BAZ2A: variants seen among roughly 807,000 people sequenced by gnomAD.
BAZ2A encodes bromodomain adjacent to zinc finger domain protein 2A.
A neutral mutation model predicts 199.9 loss-of-function variants in BAZ2A; 34 were observed. The ratio of observed to expected loss-of-function variants is 0.17; its 90% CI spans 0.13 to 0.23. The LOEUF is 0.23. BAZ2A is among the 10% of genes least tolerant of loss of function. BAZ2A has a pLI of 1.00. For missense variants in BAZ2A, 2,002 were observed against 2,391.1 expected, an observed-to-expected ratio of 0.84 and a Z score of 3.39; for synonymous variants, 857 against 883.9, an observed-to-expected ratio of 0.97 and a Z score of 0.54.
At position 56,612,135 on chromosome 12, in the gene BAZ2A, G is replaced by C. The variant is rs1320676626; in HGVS notation, c.1247C>G (p.Thr416Ser). 1.2e-6 allele frequency: 2 copies of C among 1,614,014 alleles called. No individual in the cohort carries two copies. The highest frequency in any genetic ancestry group is 1.1e-5 in the South Asian group (1 of 91,076). ...LTQPAPDQSS[T>S]IQLHPATSPA... ...TGAGGTTGCTGGATGTAGCTGAATA[G>C]TGGATGACTGATCAGGAGCTGGCTG... is the stretch of plus-strand genomic sequence containing the variant. The change falls in exon 6 of 29, where the codon ACT (threonine) becomes AGT (serine). Residue 416 changes from threonine to serine, a missense_variant. Thr to Ser is a moderately conservative substitution (Grantham distance 58). Transcript: ENST00000549884.
chr12:56,634,334 G>A (rs1228273066), upstream of BAZ2A, among the ~76,000 whole-genome samples: 2 of 152,074 alleles, frequency 1.3e-5, no homozygotes, highest in African/African-American at 2.4e-5. Context: ...TTCTGGGGGA[G>A]GGGCCTTCCT....
chr12:56,632,309 G>A (rs74095031), upstream of BAZ2A, among the ~76,000 whole-genome samples: 543 of 152,300 alleles, frequency 3.6e-3, 3 homozygotes, highest in African/African-American at 0.012. Flanking sequence ...CCTCAAGGGC[G>A]GCGGGATGGG....
rs531057721 is a variant in BAZ2A, at chr12:56,615,681, A to G, written c.137-74T>C. On this transcript the variant is annotated intron_variant, in intron 2 of 28. Transcript: ENST00000549884. ...ACTTTACCAAAACAAACTCAAAGTA[A>G]TAGCACTGACTAGAAAAAGACATGG... 36 of 1,144,086 alleles carry G rather than the reference A, an allele frequency of 3.1e-5. No homozygotes were observed. In the African/African-American group the frequency reaches 5.2e-4, roughly 16 times the overall value. 70.9% of individuals were successfully genotyped at this position (1,144,086 alleles called of 1,614,324 possible).
intron 1 of BAZ2A, among the ~76,000 whole-genome samples, chr12:56,619,719 T>C (rs1950850957): frequency 6.6e-6 from 1 of 151,962 alleles, no homozygotes; most frequent in Non-Finnish European, 1.5e-5. Context: ...ATTTTAAAAA[T>C]AAAAATAGGC....
upstream of BAZ2A, chr12:56,630,902 A>G: frequency 2.1e-6 from 2 of 962,286 alleles, no homozygotes; most frequent in Non-Finnish European, 2.5e-6. Flanking sequence ...CTCTGGAACC[A>G]GACAGCAAAG....
At chr12:56,601,440 T>C (rs756028335) in intron 20 of BAZ2A, 38 bp from the exon 21 acceptor site, 46 of 1,597,758 alleles carry the variant, frequency 2.9e-5, no homozygotes, top group Non-Finnish European at 3.8e-5. Context: ...TGAGGATGTT[T>C]TCATGTTTAT....
chr12:56,605,332 A>G lies in BAZ2A; in HGVS notation c.2494-5T>C, dbSNP rs759762019. 1.6e-5 allele frequency: 26 copies of G among 1,603,638 alleles called. No individual in the cohort carries two copies. Among genetic ancestry groups the G allele is most frequent in the Non-Finnish European group, 2.2e-5 (26 of 1,172,342 alleles). The stretch of plus-strand genomic sequence containing the variant: ...TCGTGAGAAGTCAGGCAGGGGCTAG[A>G]GAGAGAAAAGTGAGTAGAGAGTTCT... On this transcript the variant is annotated splice_region_variant and splice_polypyrimidine_tract_variant and intron_variant, in intron 13 of 28. Transcript: ENST00000549884.
chr12:56,627,825 CAAA>C (rs547754562), intron 1 of BAZ2A, among the ~76,000 whole-genome samples: 2 of 58,230 alleles, frequency 3.4e-5, no homozygotes, highest in Non-Finnish European at 3.4e-5. Flanking sequence ...GACCCTGTCT[CAAA>C]AAAAAAAAAA....
At chr12:56,617,659 T>A (rs1194206016) in intron 1 of BAZ2A, 127 bp from the exon 2 acceptor site, 14 of 1,019,530 alleles carry the variant, frequency 1.4e-5, no homozygotes. Flanking sequence ...AAGTACTGTG[T>A]GAGGGAAGGT....
Position 56,599,090 on chromosome 12 carries a change from G to C in BAZ2A, c.5402+39C>G, listed in dbSNP as rs1244349145. 6 of 1,598,634 alleles carry C rather than the reference G, an allele frequency of 3.8e-6. No homozygotes were observed. The Admixed American group carries it at 8.6e-5, about 23-fold the overall frequency. On this transcript the variant is annotated intron_variant, in intron 27 of 28. Transcript: ENST00000549884. ...CCTCCCAGCCCTTTCCTCTGGCAGA[G>C]GTAGAGCCAACTGTCCCCCCAGGAT...
At chr12:56,621,179 A>G (rs1592611395) in intron 1 of BAZ2A, 1 of 985,286 alleles carries the variant, frequency 1.0e-6, no homozygotes, top group Non-Finnish European at 1.2e-6. Context: ...TATCCTCCTC[A>G]ATGATGGGTC....
rs1452181066 is a variant in BAZ2A at position 56,600,592 on chromosome 12, T to TG, written c.4602+88dup. 7 of 1,570,792 alleles carry TG rather than the reference T, an allele frequency of 4.5e-6. No homozygotes were observed. The African/African-American group carries it at 8.2e-5, about 19-fold the overall frequency. On this transcript the variant is annotated intron_variant, in intron 23 of 28. Transcript: ENST00000549884. ...AGACCCACTTAAGGTAGGTCACCTG[T>TG]GAAGTAGGGACCCAGGGTTTTTTCT...
rs1315115468 is a variant in BAZ2A at position 56,605,480 on chromosome 12, G to T, written c.2494-153C>A. ...TCTGTCACCCAAGCTGGAGTGCAGT[G>T]GCATGATCTCTGCTTACTGCAGCCT... On this transcript the variant is annotated intron_variant, in intron 13 of 28. Transcript: ENST00000549884. 23 of 848,954 alleles carry T rather than the reference G, an allele frequency of 2.7e-5. 1 individual carries two copies. The highest frequency in any genetic ancestry group is 3.7e-4 in the Middle Eastern group (1 of 2,728). The allele number at this position is 848,954 out of a possible 1,614,324, so 52.6% of individuals were successfully genotyped here.
rs1401240030 is a variant in BAZ2A at position 56,603,619 on chromosome 12, G to T, written c.3120C>A (p.Arg1040=). Residue 1040 remains arginine, a synonymous_variant, in exon 17 of 29, where the codon CGC becomes CGA. Transcript: ENST00000549884. The part of the protein sequence containing the change: ...EGPEECLGRR[R]SSRIMEETSG... Reference sequence around the variant, plus strand: ...TGGTCTCCTCCATGATCCGAGAACTGCGCCTCCGTCCCAGGCATTCCTCTG... The same window carrying T: ...TGGTCTCCTCCATGATCCGAGAACTTCGCCTCCGTCCCAGGCATTCCTCTG... 6.2e-7 allele frequency: 1 copy of T among 1,613,818 alleles called. No homozygotes were observed. Among genetic ancestry groups the T allele is most frequent in the Non-Finnish European group, 8.5e-7 (1 of 1,179,904 alleles).
At chr12:56,606,850 G>A in intron 10 of BAZ2A, 117 bp from the exon 11 acceptor site, 1 of 771,080 alleles carries the variant, frequency 1.3e-6, no homozygotes, top group Non-Finnish European at 2.2e-6. Context: ...GAAGAATCTA[G>A]AGTAGCTTTT....
intron 10 of BAZ2A, among the ~76,000 whole-genome samples, chr12:56,608,097 G>A (rs897452217): frequency 2.0e-5 from 3 of 150,234 alleles, no homozygotes; most frequent in Non-Finnish European, 4.4e-5. Flanking sequence ...AAAAGGGCCA[G>A]GCGTGGGGGC....
upstream of BAZ2A, chr12:56,630,782 C>G (rs1213582956): frequency 5.1e-6 from 5 of 985,546 alleles, no homozygotes; most frequent in African/African-American, 7.0e-5. Flanking sequence ...TCACCTCTGT[C>G]CCTTCAGTGC....
intron 1 of BAZ2A, among the ~76,000 whole-genome samples, chr12:56,626,967 C>G (rs1951115046): frequency 6.6e-6 from 1 of 152,168 alleles, no homozygotes; most frequent in Admixed American, 6.5e-5. Context: ...TCCAGAATAT[C>G]AAAAACCCCA....
chr12:56,613,977 C>T lies in BAZ2A; in HGVS notation c.892G>A (p.Glu298Lys). The T allele has an allele frequency of 1.2e-6, 2 of 1,613,896 alleles. No individual in the cohort carries two copies. Among genetic ancestry groups the T allele is most frequent in the African/African-American group, 1.3e-5 (1 of 75,026 alleles). ...CCTGGTGCCAGAGAGTTGAAGGGCT[C>T]CAGAGAGTCTTCACTGAGGATTGGA... ...DTPILSEDSL[E>K]PFNSLAPEPV... Residue 298 changes from glutamate to lysine, a missense_variant, in exon 4 of 29, where the codon GAG becomes AAG. Physicochemically the swap from Glu to Lys is moderately conservative, Grantham distance 56 (BLOSUM62 1). Coordinates refer to ENST00000549884, the MANE Select transcript of BAZ2A (RefSeq NM_001300905.2).
Sources: gnomAD v4.1 joint callset for allele counts (sites outside exome capture counted in the v4.1 genomes callset) on GRCh38, gnomAD v4.1.1 for gene constraint, MANE v1.5 for transcripts, NCBI Gene and HGNC (gene_info 2026-07-23, HGNC 2026-07-21) for gene names.